Variants in FYN observed in about 807,000 individuals in gnomAD.
FYN encodes FYN proto-oncogene, Src family tyrosine kinase.
A neutral mutation model predicts 70.2 loss-of-function variants in FYN; 10 were observed. The ratio of observed to expected loss-of-function variants is 0.14; its 90% confidence interval spans 0.09 to 0.24. The LOEUF is 0.24. FYN is among the 10% of genes least tolerant of loss of function. FYN has a pLI of 1.00. For synonymous variants in FYN, 236 were observed against 248.6 expected, an observed-to-expected ratio of 0.95 and a Z score of 0.48; for missense variants, 319 against 673.1, an observed-to-expected ratio of 0.47 and a Z score of 5.82.
chr6:111,865,217 G>A (rs200982358), intron 1 of FYN, among the ~76,000 whole-genome samples: 2 of 152,178 alleles, frequency 1.3e-5, no homozygotes, highest in South Asian at 4.1e-4. Context: ...ACCAAGTGCT[G>A]CTCGAGGTCA....
intron 13 of FYN, among the ~76,000 whole-genome samples, chr6:111,672,879 A>G (rs1419950868): frequency 1.3e-5 from 2 of 152,134 alleles, no homozygotes; most frequent in Non-Finnish European, 2.9e-5. Flanking sequence ...AAACCTGACA[A>G]AAGACTCCCT....
chr6:111,756,864 A>G (rs1321671246), intron 3 of FYN, among the ~76,000 whole-genome samples: 1 of 152,216 alleles, frequency 6.6e-6, no homozygotes, highest in Non-Finnish European at 1.5e-5. Context: ...AGCAGTAAGC[A>G]CCATACTCAA....
chr6:111,735,373 T>C (rs914638228), intron 3 of FYN, among the ~76,000 whole-genome samples: 2 of 152,182 alleles, frequency 1.3e-5, no homozygotes, highest in Admixed American at 6.5e-5. Flanking sequence ...GAGCCCTCAC[T>C]ATGGTGCCTA....
chr6:111,763,713 T>C (rs529375102), intron 3 of FYN, among the ~76,000 whole-genome samples: 7 of 152,360 alleles, frequency 4.6e-5, no homozygotes, highest in Admixed American at 1.3e-4. Flanking sequence ...CTTTTAACTA[T>C]ACATTTTTTC....
intron 13 of FYN, among the ~76,000 whole-genome samples, chr6:111,674,002 C>T (rs956867270): frequency 2.0e-5 from 3 of 152,200 alleles, no homozygotes; most frequent in East Asian, 3.8e-4. Flanking sequence ...TCACATGTGC[C>T]TCTGCTCTCT....
At chr6:111,670,768 T>C (rs1050172520) in intron 13 of FYN, among the ~76,000 whole-genome samples, 1 of 9,570 alleles carries the variant, frequency 1.0e-4, no homozygotes, top group African/African-American at 4.7e-4. Flanking sequence ...GAATGGTGGG[T>C]GGGTGGGTGG....
At chr6:111,677,384 G>T (rs1001502913) in intron 12 of FYN, among the ~76,000 whole-genome samples, 16 of 152,152 alleles carry the variant, frequency 1.1e-4, no homozygotes, top group Non-Finnish European at 4.4e-5. Context: ...CTTCCTCTTG[G>T]ACACATCTCA....
intron 2 of FYN, among the ~76,000 whole-genome samples, chr6:111,811,322 A>G (rs1229149225): frequency 6.6e-6 from 1 of 152,248 alleles, no homozygotes; most frequent in African/African-American, 2.4e-5. Flanking sequence ...GAAACGTTTT[A>G]AAGATGCCAT....
intron 3 of FYN, among the ~76,000 whole-genome samples, chr6:111,734,563 C>T (rs1322522749): frequency 1.3e-5 from 2 of 152,162 alleles, no homozygotes; most frequent in Non-Finnish European, 2.9e-5. Context: ...GTGGTCTTGA[C>T]CCTCCTCCCT....
chr6:111,862,012 A>G (rs1773977923), intron 1 of FYN, among the ~76,000 whole-genome samples: 1 of 152,206 alleles, frequency 6.6e-6, no homozygotes, highest in African/African-American at 2.4e-5. Flanking sequence ...ATTGGGCTAT[A>G]CATGGCAGAG....
chr6:111,687,595 G>GGGGTGGGT (rs201822911), intron 12 of FYN, among the ~76,000 whole-genome samples: 4 of 133,220 alleles, frequency 3.0e-5, no homozygotes, highest in East Asian at 2.4e-4. Context: ...AACCCAAAGT[G>GGGGTGGGT]GGGTGGGTGG....
At chr6:111,858,023 T>C (rs6906970) in intron 1 of FYN, among the ~76,000 whole-genome samples, 52,209 of 151,958 alleles carry the variant, frequency 0.34, 13,188 homozygotes, top group African/African-American at 0.72. Context: ...AGCAGGGAGA[T>C]TGGCACACTT....
intron 3 of FYN, among the ~76,000 whole-genome samples, chr6:111,753,024 T>C (rs907069960): frequency 6.6e-6 from 1 of 152,130 alleles, no homozygotes; most frequent in African/African-American, 2.4e-5. Context: ...GAGGCAAAAA[T>C]AGCTTTGGAT....
chr6:111,663,882 A>C (rs976882067), intron 13 of FYN, among the ~76,000 whole-genome samples: 2 of 152,142 alleles, frequency 1.3e-5, no homozygotes, highest in Non-Finnish European at 2.9e-5. Flanking sequence ...ATGCTCGGGA[A>C]TGAAAGGCAG....
intron 2 of FYN, chr6:111,813,772 G>A (rs1205588388): frequency 1.3e-5 from 2 of 152,234 alleles, no homozygotes; most frequent in Non-Finnish European, 2.9e-5. Context: ...AGGAATGTTA[G>A]CTATTAATGG....
intron 12 of FYN, among the ~76,000 whole-genome samples, chr6:111,680,716 C>T (rs911832050): frequency 2.0e-5 from 3 of 152,208 alleles, no homozygotes; most frequent in Non-Finnish European, 2.9e-5. Flanking sequence ...GTTTACTTAA[C>T]GAGTGGCTCT....
At chr6:111,731,089 C>T (rs1801427740) in intron 3 of FYN, among the ~76,000 whole-genome samples, 1 of 152,208 alleles carries the variant, frequency 6.6e-6, no homozygotes, top group Admixed American at 6.5e-5. Flanking sequence ...TGCCCCCTCC[C>T]CAAGTACGAG....
At chr6:111,802,433 TC>T (rs34554625) in intron 2 of FYN, among the ~76,000 whole-genome samples, 45,681 of 151,448 alleles carry the variant, frequency 0.3, 11,014 homozygotes, top group African/African-American at 0.68. Flanking sequence ...AATCAGGTAA[TC>T]CCTTTTTTTT....
chr6:111,788,380 A>G (rs1771479856), intron 2 of FYN, among the ~76,000 whole-genome samples: 1 of 152,200 alleles, frequency 6.6e-6, no homozygotes, highest in Admixed American at 6.5e-5. Flanking sequence ...CAAATTACAT[A>G]CATTTTGTAG....
Sources: allele counts gnomAD v4.1 joint callset (sites outside exome capture counted in the v4.1 genomes callset), GRCh38; gene constraint gnomAD v4.1.1; transcripts MANE v1.5; gene names NCBI Gene and HGNC (gene_info 2026-07-23, HGNC 2026-07-21).